The following SNTG1 variants were observed in gnomAD, a reference collection of about 807,000 sequenced individuals.
SNTG1 encodes the protein syntrophin gamma 1, also known as gamma-1-syntrophin.
Under a neutral mutation model 74.7 loss-of-function variants are expected in SNTG1, and 39 were observed. The ratio of observed to expected loss-of-function variants is 0.52; its 90% CI spans 0.40 to 0.68. The LOEUF is 0.68. SNTG1 is among the 30% of genes least tolerant of loss of function. The pLI, the probability that SNTG1 is intolerant of heterozygous loss-of-function variation, is 0.00. For missense variants in SNTG1, 685 were observed against 609.5 expected (o/e 1.12, Z -1.30); for synonymous variants, 254 against 217.1 (o/e 1.17, Z -1.49).
At chr8:50,247,742 T>C (rs1225514396) in intron 2 of SNTG1, among the ~76,000 whole-genome samples, 6 of 152,026 alleles carry the variant, frequency 3.9e-5, no homozygotes, top group Non-Finnish European at 8.8e-5. Flanking sequence ...CAGACTGGTC[T>C]TGAAGTCCTG....
chr8:50,521,643 G>T (rs773325381), intron 9 of SNTG1, among the ~76,000 whole-genome samples: 1 of 151,940 alleles, frequency 6.6e-6, no homozygotes, highest in African/African-American at 2.4e-5. Flanking sequence ...TCTTCTTGGG[G>T]GATTTTACCC....
chr8:50,508,538 C>T lies in SNTG1; in HGVS notation c.466+5658C>T, dbSNP rs183173173. On this transcript the variant is annotated intron_variant, in intron 9 of 18. Coordinates refer to ENST00000642720, the MANE Select transcript of SNTG1 (RefSeq NM_018967.5). ...TTGAACTAGTTTACAGTCCCACCAA[C>T]GATGTAAAGTTTTCCTATTTCTCCA... Among the ~76,000 whole-genome samples, 25 of 152,244 alleles carry T rather than the reference C, an allele frequency of 1.6e-4. No homozygotes were observed. In the East Asian group the frequency reaches 1.7e-3, roughly 11 times the overall value.
chr8:50,647,356 C>T lies in SNTG1; in HGVS notation c.850-9553C>T, dbSNP rs542568703. ...TGAACTACACAGAGAACTCTTAAAA[C>T]TCAACAATTAGAAAGGAAACATCCA... is the stretch of plus-strand genomic sequence containing the variant. On this transcript the variant is annotated intron_variant, in intron 13 of 18. Transcript: ENST00000642720. Among the ~76,000 whole-genome samples the T allele has an allele frequency of 1.1e-4, 16 of 151,990 alleles. No homozygotes were observed. In the East Asian group the frequency reaches 3.1e-3, roughly 29 times the overall value.
At chr8:50,141,979 A>G (rs1010722901) in intron 1 of SNTG1, among the ~76,000 whole-genome samples, 2 of 152,104 alleles carry the variant, frequency 1.3e-5, no homozygotes, top group African/African-American at 4.8e-5. Flanking sequence ...ATAGATACAA[A>G]TTATTTATAT....
chr8:50,387,561 C>G (rs1203966888), intron 2 of SNTG1, among the ~76,000 whole-genome samples: 1 of 152,088 alleles, frequency 6.6e-6, no homozygotes, highest in Non-Finnish European at 1.5e-5. Flanking sequence ...TTCTAACACC[C>G]CAAATTTACA....
chr8:49,972,034 C>A (rs540357019), intron 1 of SNTG1, among the ~76,000 whole-genome samples: 110 of 152,224 alleles, frequency 7.2e-4, no homozygotes, highest in African/African-American at 2.6e-3. Flanking sequence ...TCATGTGGAA[C>A]CAAAAAGGAG....
chr8:50,023,197 A>G (rs1402385811), intron 1 of SNTG1, among the ~76,000 whole-genome samples: 1 of 152,116 alleles, frequency 6.6e-6, no homozygotes, highest in Non-Finnish European at 1.5e-5. Flanking sequence ...CAGATGGAAG[A>G]GACGGGAAGG....
At chr8:50,577,546 C>T (rs1012035547) in intron 12 of SNTG1, among the ~76,000 whole-genome samples, 22 of 125,414 alleles carry the variant, frequency 1.8e-4, no homozygotes, top group South Asian at 5.3e-4. Flanking sequence ...AATGCTCCTT[C>T]TTTATTTTTT....
intron 17 of SNTG1, among the ~76,000 whole-genome samples, chr8:50,734,836 T>G (rs1403358496): frequency 3.1e-4 from 28 of 91,150 alleles, no homozygotes; most frequent in Admixed American, 6.5e-4. Context: ...CATATATATA[T>G]CTATATATAT....
At chr8:50,640,167 G>C (rs2095063381) in intron 13 of SNTG1, among the ~76,000 whole-genome samples, 1 of 152,136 alleles carries the variant, frequency 6.6e-6, no homozygotes, top group South Asian at 2.1e-4. Context: ...CAGAAAGACG[G>C]AAGTATGACT....
chr8:50,559,748 C>T (rs1388501875), intron 12 of SNTG1, among the ~76,000 whole-genome samples: 16 of 151,956 alleles, frequency 1.1e-4, no homozygotes, highest in African/African-American at 2.4e-4. Context: ...AAGACCTAAA[C>T]GTAAAACCCA....
chr8:50,173,891 T>A (rs1167315186), intron 2 of SNTG1, among the ~76,000 whole-genome samples: 1 of 152,224 alleles, frequency 6.6e-6, no homozygotes, highest in Admixed American at 6.5e-5. Context: ...TACATAGGTA[T>A]ACATGTGCCA....
chr8:50,007,461 T>C (rs1815349722), intron 1 of SNTG1, among the ~76,000 whole-genome samples: 1 of 152,128 alleles, frequency 6.6e-6, no homozygotes, highest in Non-Finnish European at 1.5e-5. Flanking sequence ...ACGTAGGCAT[T>C]TTTCTTACCC....
Position 50,734,848 on chromosome 8 carries a change from G to T in SNTG1, c.1285-17153G>T, listed in dbSNP as rs573372891. The stretch of plus-strand genomic sequence containing the variant: ...GGACATATATATATCTATATATATG[G>T]ACATATATATATCTATATATATGGA... On this transcript the variant is annotated intron_variant, in intron 17 of 18. Coordinates refer to ENST00000642720, the MANE Select transcript of SNTG1 (RefSeq NM_018967.5). Among the ~76,000 whole-genome samples, 16 of 67,986 alleles carry T rather than the reference G, an allele frequency of 2.4e-4. 2 individuals carry two copies. In the South Asian group the frequency reaches 5.9e-3, roughly 25 times the overall value. 44.6% of individuals were successfully genotyped at this position (67,986 alleles called of 152,430 possible).
intron 1 of SNTG1, among the ~76,000 whole-genome samples, chr8:49,959,095 A>G (rs1377092683): frequency 6.6e-6 from 1 of 152,146 alleles, no homozygotes; most frequent in Non-Finnish European, 1.5e-5. Flanking sequence ...TCAACTACTC[A>G]AAATAAGTAG....
At chr8:50,781,221 C>A (rs1002620112) in intron 18 of SNTG1, among the ~76,000 whole-genome samples, 1 of 152,058 alleles carries the variant, frequency 6.6e-6, no homozygotes, top group Non-Finnish European at 1.5e-5. Context: ...CTATTAAGTC[C>A]ACTTGGTGCA....
intron 16 of SNTG1, 42 bp downstream of exon 16, chr8:50,704,794 T>C (rs762206238): frequency 6.2e-7 from 1 of 1,604,510 alleles, no homozygotes; most frequent in East Asian, 2.2e-5. Context: ...CTCCCTCAGA[T>C]GCATGACCAC....
intron 5 of SNTG1, among the ~76,000 whole-genome samples, chr8:50,443,666 A>G (rs1484010950): frequency 3.9e-5 from 6 of 152,192 alleles, no homozygotes; most frequent in African/African-American, 9.6e-5. Flanking sequence ...TAATTCATCA[A>G]TTGTTATAAG....
At chr8:50,784,694 G>C (rs927066704) in intron 18 of SNTG1, among the ~76,000 whole-genome samples, 1 of 152,118 alleles carries the variant, frequency 6.6e-6, no homozygotes, top group South Asian at 2.1e-4. Flanking sequence ...ATGTTGACCT[G>C]TTTAGACTCT....
Sources: allele counts gnomAD v4.1 joint callset (sites outside exome capture counted in the v4.1 genomes callset), GRCh38; gene constraint gnomAD v4.1.1; transcripts MANE v1.5; gene names NCBI Gene and HGNC (gene_info 2026-07-23, HGNC 2026-07-21).